The following ELL variants were observed in gnomAD, a reference collection of about 807,000 sequenced individuals.
ELL encodes RNA polymerase II elongation factor ELL.
In ELL, 18 loss-of-function variants were observed where a neutral mutation model predicts 64.0. That is an observed-to-expected ratio of 0.28 (90% CI 0.19 to 0.42). ELL has a LOEUF of 0.42. Ranked by LOEUF, ELL falls within the 10% of genes least tolerant of loss-of-function variation. The pLI is 1.00. For missense variants in ELL, 797 were observed against 870.4 expected, an observed-to-expected ratio of 0.92 and a Z score of 1.06; for synonymous variants, 399 against 376.2, an observed-to-expected ratio of 1.06 and a Z score of -0.70.
chr19:18,446,886 G>T, intron 8 of ELL, 72 bp from the exon 9 acceptor site: 1 of 1,496,558 alleles, frequency 6.7e-7, no homozygotes, highest in Non-Finnish European at 9.3e-7. Flanking sequence ...GCCAGGATGG[G>T]GACATGCATG....
chr19:18,457,754 G>A (rs763630539), intron 6 of ELL, among the ~76,000 whole-genome samples: 48 of 152,128 alleles, frequency 3.2e-4, no homozygotes, highest in Non-Finnish European at 5.9e-4. Flanking sequence ...TTTAATTAAC[G>A]CTGCTTAATG....
chr19:18,474,383 C>T (rs142001520), intron 1 of ELL, among the ~76,000 whole-genome samples: 66 of 152,326 alleles, frequency 4.3e-4, no homozygotes, highest in African/African-American at 1.3e-3. Context: ...CCCTTCTTTG[C>T]CAAGTCTCTC....
intron 2 of ELL, chr19:18,471,476 T>C: frequency 6.6e-6 from 2 of 301,728 alleles, no homozygotes; most frequent in Non-Finnish European, 1.3e-5. Flanking sequence ...GAGACCAGCC[T>C]GGCCAACATG....
intron 2 of ELL, among the ~76,000 whole-genome samples, chr19:18,468,552 G>A (rs1974999230): frequency 6.6e-6 from 1 of 152,224 alleles, no homozygotes; most frequent in African/African-American, 2.4e-5. Flanking sequence ...GACCCAGAAT[G>A]AGCCAGCCAG....
At chr19:18,469,941 C>T (rs1245011249) in intron 2 of ELL, among the ~76,000 whole-genome samples, 1 of 152,248 alleles carries the variant, frequency 6.6e-6, no homozygotes, top group East Asian at 1.9e-4. Context: ...GTTCCGACAA[C>T]GATGAGCCCA....
chr19:18,486,834 T>C (rs1309008391), intron 1 of ELL, among the ~76,000 whole-genome samples: 1 of 152,196 alleles, frequency 6.6e-6, no homozygotes, highest in Non-Finnish European at 1.5e-5. Context: ...AGGGTGCTCT[T>C]AGGTCCCCTT....
chr19:18,442,787 A>T lies in ELL; in HGVS notation c.*1965T>A. On this transcript the variant is annotated 3_prime_UTR_variant, in exon 12 of 12. Transcript: ENST00000262809. ...TGAAGACGCAGATAGATGCCTTTCA[A>T]TTGTAACATTTTGGCAAAAGTGGAA... is the stretch of plus-strand genomic sequence containing the variant. 4.8e-6 allele frequency: 1 copy of T among 210,206 alleles called. No individual in the cohort carries two copies. Among genetic ancestry groups the T allele is most frequent in the Non-Finnish European group, 9.7e-6 (1 of 103,202 alleles). The allele number at this position is 210,206 out of a possible 1,614,324, so 13.0% of individuals were successfully genotyped here.
chr19:18,509,616 C>CGT (rs1975971685), intron 1 of ELL, among the ~76,000 whole-genome samples: 6 of 118,460 alleles, frequency 5.1e-5, no homozygotes, highest in Non-Finnish European at 1.0e-4. Context: ...CACACACACA[C>CGT]ACACACACAC....
At chr19:18,454,686 A>T (rs1337314683) in intron 6 of ELL, among the ~76,000 whole-genome samples, 1 of 150,324 alleles carries the variant, frequency 6.7e-6, no homozygotes, top group African/African-American at 2.5e-5. Flanking sequence ...ACTTAAAAAT[A>T]CAAAATTAGC....
At chr19:18,454,687 C>T (rs1409765543) in intron 6 of ELL, among the ~76,000 whole-genome samples, 2 of 144,824 alleles carry the variant, frequency 1.4e-5, no homozygotes, top group African/African-American at 2.6e-5. Context: ...CTTAAAAATA[C>T]AAAATTAGCC....
intron 1 of ELL, among the ~76,000 whole-genome samples, 156 bp downstream of exon 1, chr19:18,521,765 C>T (rs961125476): frequency 2.0e-5 from 3 of 152,088 alleles, no homozygotes; most frequent in Non-Finnish European, 4.4e-5. Context: ...CGCTCCAGGC[C>T]GGACTGGCGC....
At chr19:18,469,598 G>A (rs1975019401) in intron 2 of ELL, among the ~76,000 whole-genome samples, 1 of 152,232 alleles carries the variant, frequency 6.6e-6, no homozygotes, top group Non-Finnish European at 1.5e-5. Flanking sequence ...TATGTCTGAG[G>A]TCAGTCCCGG....
rs933579750 is a variant in ELL, at chr19:18,487,406, C to T, written c.136-14524G>A. On this transcript the variant is annotated intron_variant, in intron 1 of 11. Coordinates refer to ENST00000262809, the MANE Select transcript of ELL (RefSeq NM_006532.4). ...AGCAGCTGGGTTTGGGGGACAGTTG[C>T]CCTCAGCATGGCCATAAACCACCTT... Among the ~76,000 whole-genome samples, 7 of 152,338 alleles carry T rather than the reference C, an allele frequency of 4.6e-5. No homozygotes were observed. In the South Asian group the frequency reaches 6.2e-4, roughly 14 times the overall value.
rs142055049 is a variant in ELL, at chr19:18,446,763, G to A, written c.1517C>T (p.Thr506Met). The A allele has an allele frequency of 4.9e-5, 79 of 1,613,996 alleles. 1 individual carries two copies. The East Asian group carries it at 5.3e-4, about 11-fold the overall frequency. ...AAACACTCACAGCAAGTAGTCAGGC[G>A]TCTCCGACGTGGACGTGGGAACACT... ...VSSVPTSTSE[T>M]PDYLLKYAAI... The change falls in exon 9 of 12, where the codon ACG becomes ATG. Residue 506 changes from threonine to methionine, a missense_variant. Coordinates refer to ENST00000262809, the MANE Select transcript of ELL (RefSeq NM_006532.4).
chr19:18,493,390 G>A (rs1975574269), intron 1 of ELL, among the ~76,000 whole-genome samples: 1 of 152,218 alleles, frequency 6.6e-6, no homozygotes, highest in African/African-American at 2.4e-5. Flanking sequence ...AATGCATCTG[G>A]CCCCTCTGAA....
chr19:18,445,577 G>A (rs2144883951), intron 10 of ELL, among the ~76,000 whole-genome samples: 1 of 151,468 alleles, frequency 6.6e-6, no homozygotes, highest in Admixed American at 6.6e-5. Context: ...AGCAAAGAGG[G>A]AGGGAAGGGG....
At chr19:18,463,608 C>T (rs1974875965) in intron 4 of ELL, among the ~76,000 whole-genome samples, 1 of 152,024 alleles carries the variant, frequency 6.6e-6, no homozygotes, top group Non-Finnish European at 1.5e-5. Flanking sequence ...GCTGAGATTA[C>T]AGGTGTGAGC....
intron 1 of ELL, among the ~76,000 whole-genome samples, chr19:18,489,349 T>C (rs976244803): frequency 2.0e-5 from 3 of 152,138 alleles, no homozygotes; most frequent in African/African-American, 4.8e-5. Flanking sequence ...CGCGGACAGA[T>C]TTAGAGAAAG....
intron 1 of ELL, among the ~76,000 whole-genome samples, chr19:18,475,263 T>C (rs1486337661): frequency 1.3e-5 from 2 of 152,086 alleles, no homozygotes; most frequent in East Asian, 3.8e-4. Context: ...CCTAGATTGA[T>C]AGCCATAAAA....
Sources: gnomAD v4.1 joint callset for allele counts (sites outside exome capture counted in the v4.1 genomes callset) on GRCh38, gnomAD v4.1.1 for gene constraint, MANE v1.5 for transcripts, NCBI Gene and HGNC (gene_info 2026-07-23, HGNC 2026-07-21) for gene names.